Variants in TBC1D4 observed in about 807,000 individuals in gnomAD.
TBC1D4 encodes TBC (Tre-2, BUB2, CDC16) domain-containing protein.
TBC1D4 carries 121 observed loss-of-function variants against 142.5 expected under a neutral mutation model. The ratio of observed to expected loss-of-function variants is 0.85; its 90% CI spans 0.73 to 0.99. TBC1D4 has a LOEUF of 0.99. TBC1D4 is among the 50% of genes least tolerant of loss of function. The probability of loss-of-function intolerance (pLI) is 0.00; values close to 1 mark genes in which losing one functional copy is unlikely to be tolerated. For synonymous variants in TBC1D4, 630 were observed against 628.2 expected, an observed-to-expected ratio of 1.00 and a Z score of -0.04; for missense variants, 1,475 against 1,606.6, an observed-to-expected ratio of 0.92 and a Z score of 1.40.
rs977421227 is a variant in TBC1D4 at position 75,412,351 on chromosome 13, T to C, written c.499-49744A>G. Among the ~76,000 whole-genome samples, 9 of 152,180 alleles carry C rather than the reference T, an allele frequency of 5.9e-5. 1 individual carries two copies. Among genetic ancestry groups the C allele is most frequent in the Admixed American group, 3.3e-4 (5 of 15,278 alleles). ...AGGCTGGAGTGCAGTGGTGCAATCATGGCCCACTGTAGCCTTGACCTCTTG... is the reference window on the plus strand; with the variant it reads ...AGGCTGGAGTGCAGTGGTGCAATCACGGCCCACTGTAGCCTTGACCTCTTG... On this transcript the variant is annotated intron_variant, in intron 1 of 20. Coordinates refer to ENST00000377636, the MANE Select transcript of TBC1D4 (RefSeq NM_014832.5).
At chr13:75,359,890 A>G (rs781532794) in intron 2 of TBC1D4, 32 bp from the exon 3 acceptor site, 5 of 1,530,456 alleles carry the variant, frequency 3.3e-6, no homozygotes, top group East Asian at 2.3e-5. Context: ...ATTAATTTCA[A>G]TTCATAAGGA....
At chr13:75,340,582 A>G (rs1880602124) in intron 7 of TBC1D4, among the ~76,000 whole-genome samples, 1 of 152,170 alleles carries the variant, frequency 6.6e-6, no homozygotes, top group Non-Finnish European at 1.5e-5. Context: ...TTTTTTAACC[A>G]AAACCCACAA....
intron 1 of TBC1D4, among the ~76,000 whole-genome samples, chr13:75,402,101 C>G (rs1453638356): frequency 6.6e-6 from 1 of 152,020 alleles, no homozygotes; most frequent in East Asian, 1.9e-4. Flanking sequence ...ACCAAGGGTG[C>G]CCTAAAGTCA....
At chr13:75,352,025 C>G (rs1229235666) in intron 4 of TBC1D4, among the ~76,000 whole-genome samples, 1 of 152,178 alleles carries the variant, frequency 6.6e-6, no homozygotes, top group East Asian at 1.9e-4. Context: ...AAGCTAAGAC[C>G]TATACTTCTT....
intron 20 of TBC1D4, 85 bp downstream of exon 20, chr13:75,288,849 G>T (rs879397030): frequency 3.6e-6 from 5 of 1,396,732 alleles, no homozygotes; most frequent in Non-Finnish European, 5.1e-6. Context: ...TTCATTCCAC[G>T]CACATATCCC....
chr13:75,442,029 A>G (rs1398515891), intron 1 of TBC1D4, among the ~76,000 whole-genome samples: 2 of 152,234 alleles, frequency 1.3e-5, no homozygotes, highest in African/African-American at 4.8e-5. Context: ...CATAATTTCC[A>G]TTTCAGAGCT....
intron 1 of TBC1D4, among the ~76,000 whole-genome samples, chr13:75,375,283 G>A (rs9318340): frequency 0.21 from 32,388 of 152,046 alleles, 3,618 homozygotes; most frequent in East Asian, 0.35. Context: ...TAGAGGTGTG[G>A]TAAATGAGCT....
At chr13:75,462,813 C>T (rs1566508256) in intron 1 of TBC1D4, among the ~76,000 whole-genome samples, 1 of 152,110 alleles carries the variant, frequency 6.6e-6, no homozygotes, top group Non-Finnish European at 1.5e-5. Flanking sequence ...ATCACCATCA[C>T]AGATCATCCC....
rs140885604 is a variant in TBC1D4 at position 75,379,262 on chromosome 13, G to GCA, written c.499-16657_499-16656dup. The stretch of plus-strand genomic sequence containing the variant: ...CGTGAATTTTTATACATACACACAT[G>GCA]CACACACACACACACACAGCTTTTC... On this transcript the variant is annotated intron_variant, in intron 1 of 20. Transcript: ENST00000377636. 1.8e-3 allele frequency among the ~76,000 whole-genome samples: 264 copies of GCA among 148,986 alleles called. 3 individuals are homozygous for GCA. Among genetic ancestry groups the GCA allele is most frequent in the East Asian group, 0.014 (71 of 5,100 alleles).
chr13:75,472,875 G>C (rs902967730), intron 1 of TBC1D4, among the ~76,000 whole-genome samples: 1 of 152,146 alleles, frequency 6.6e-6, no homozygotes, highest in Admixed American at 6.5e-5. Context: ...GTTTAATTCA[G>C]GTAAACTCAG....
chr13:75,412,482 T>C (rs752616659), intron 1 of TBC1D4, among the ~76,000 whole-genome samples: 55 of 152,172 alleles, frequency 3.6e-4, no homozygotes, highest in Non-Finnish European at 7.2e-4. Flanking sequence ...TATTTTTTAT[T>C]TTTAATGAAG....
At chr13:75,443,704 G>A (rs908864820) in intron 1 of TBC1D4, among the ~76,000 whole-genome samples, 3 of 152,172 alleles carry the variant, frequency 2.0e-5, no homozygotes, top group African/African-American at 7.2e-5. Flanking sequence ...ACCTTAAAGG[G>A]ACAATAGATT....
intron 1 of TBC1D4, among the ~76,000 whole-genome samples, chr13:75,376,441 G>A (rs866479059): frequency 4.1e-5 from 6 of 147,470 alleles, no homozygotes; most frequent in South Asian, 2.1e-4. Context: ...GCAATGGTGC[G>A]ATCTTGGCTC....
chr13:75,401,662 C>A (rs1566462566), intron 1 of TBC1D4, among the ~76,000 whole-genome samples: 3 of 152,276 alleles, frequency 2.0e-5, no homozygotes, highest in Middle Eastern at 3.4e-3. Context: ...TCACAGAATG[C>A]AGTAGGTTTA....
chr13:75,471,164 T>C (rs1888384400), intron 1 of TBC1D4, among the ~76,000 whole-genome samples: 1 of 151,914 alleles, frequency 6.6e-6, no homozygotes, highest in African/African-American at 2.4e-5. Flanking sequence ...TAAATATATA[T>C]ATATATATCT....
At chr13:75,360,951 T>C (rs558131719) in intron 2 of TBC1D4, among the ~76,000 whole-genome samples, 4 of 152,182 alleles carry the variant, frequency 2.6e-5, no homozygotes, top group Non-Finnish European at 4.4e-5. Context: ...GGAATCTCCT[T>C]CTTAGGAAAT....
intron 5 of TBC1D4, among the ~76,000 whole-genome samples, chr13:75,341,849 C>CG (rs1880733861): frequency 6.6e-6 from 1 of 152,164 alleles, no homozygotes; most frequent in Non-Finnish European, 1.5e-5. Flanking sequence ...CACAGTGGCT[C>CG]GCGCCTGTAA....
chr13:75,405,867 G>A (rs1885315043), intron 1 of TBC1D4, among the ~76,000 whole-genome samples: 1 of 152,162 alleles, frequency 6.6e-6, no homozygotes, highest in African/African-American at 2.4e-5. Flanking sequence ...CTAGCATGGT[G>A]AACCAAGATT....
intron 1 of TBC1D4, among the ~76,000 whole-genome samples, chr13:75,473,185 G>C (rs905487707): frequency 2.6e-5 from 4 of 152,078 alleles, no homozygotes; most frequent in African/African-American, 9.7e-5. Flanking sequence ...TTTTTTAGAA[G>C]AGATGGGGTT....
Sources: allele counts gnomAD v4.1 joint callset (sites outside exome capture counted in the v4.1 genomes callset), GRCh38; gene constraint gnomAD v4.1.1; transcripts MANE v1.5; gene names NCBI Gene and HGNC (gene_info 2026-07-23, HGNC 2026-07-21).